Variants in UGGT2 observed in about 807,000 individuals in gnomAD.
UGGT2 encodes UDP-glucose glycoprotein glucosyltransferase 2.
In UGGT2, 180 loss-of-function variants were observed where a neutral mutation model predicts 192.1. The observed-to-expected ratio is 0.94, with a 90% CI of 0.83 to 1.06. UGGT2 has a LOEUF of 1.06. Among genes scored for constraint, UGGT2 ranks in the 50% least tolerant of loss-of-function variants. The pLI, the probability that UGGT2 is intolerant of heterozygous loss-of-function variation, is 0.00. For missense variants in UGGT2, 1,849 were observed against 1,795.7 expected (o/e 1.03, Z -0.54); for synonymous variants, 580 against 591.0 (o/e 0.98, Z 0.27).
rs146461480 is a variant in UGGT2 at position 95,937,012 on chromosome 13, T to C, written c.1889A>G (p.His630Arg). The change falls in exon 17 of 39, where the codon CAT becomes CGT. Residue 630 changes from histidine to arginine, a missense_variant. Transcript: ENST00000376747. ...TAGTTCTTTAATATTCATCTCTTCATGTTTAAAGGGTTCACCATTATAAAG... is the reference window on the plus strand; with the variant it reads ...TAGTTCTTTAATATTCATCTCTTCACGTTTAAAGGGTTCACCATTATAAAG... ...QALYNGEPFK[H>R]EEMNIKELKM... The C allele has an allele frequency of 2.6e-4, 421 of 1,607,490 alleles. No individual in the cohort carries two copies. The African/African-American group carries it at 5.0e-3, about 19-fold the overall frequency.
intron 2 of UGGT2, among the ~76,000 whole-genome samples, chr13:96,031,493 C>A (rs912396293): frequency 1.3e-5 from 2 of 151,862 alleles, no homozygotes; most frequent in Admixed American, 6.6e-5. Flanking sequence ...TTTTATTTTT[C>A]TTTTTTAGAA....
chr13:95,934,143 T>G (rs990281402), intron 17 of UGGT2, among the ~76,000 whole-genome samples: 1 of 152,258 alleles, frequency 6.6e-6, no homozygotes, highest in Non-Finnish European at 1.5e-5. Context: ...CAAAAGCAAG[T>G]TATTTAATTT....
intron 37 of UGGT2, among the ~76,000 whole-genome samples, chr13:95,833,957 C>T (rs962343739): frequency 2.0e-5 from 3 of 152,120 alleles, no homozygotes; most frequent in Non-Finnish European, 4.4e-5. Flanking sequence ...TAGGGGAAAG[C>T]TATTAGTCAT....
intron 1 of UGGT2, among the ~76,000 whole-genome samples, chr13:96,050,369 T>C (rs1408858698): frequency 1.3e-5 from 2 of 152,120 alleles, no homozygotes; most frequent in Non-Finnish European, 2.9e-5. Flanking sequence ...TCTAAAACCA[T>C]AAAAACTCTA....
intron 34 of UGGT2, among the ~76,000 whole-genome samples, chr13:95,854,823 A>G (rs1056798615): frequency 2.6e-5 from 4 of 152,170 alleles, no homozygotes; most frequent in Non-Finnish European, 4.4e-5. Context: ...CAATGTATGA[A>G]TAACAAAATC....
intron 5 of UGGT2, among the ~76,000 whole-genome samples, chr13:96,011,884 C>A (rs902480694): frequency 1.3e-5 from 2 of 152,016 alleles, no homozygotes; most frequent in African/African-American, 4.8e-5. Context: ...GAAAAAGTCT[C>A]TTCAAAATTA....
At chr13:95,965,799 A>G (rs1036909449) in intron 12 of UGGT2, among the ~76,000 whole-genome samples, 2 of 152,210 alleles carry the variant, frequency 1.3e-5, no homozygotes, top group Non-Finnish European at 2.9e-5. Context: ...ATAATGTTCA[A>G]CATCACTAAT....
At chr13:95,915,068 C>A (rs543516782) in intron 20 of UGGT2, among the ~76,000 whole-genome samples, 1 of 152,232 alleles carries the variant, frequency 6.6e-6, no homozygotes, top group Non-Finnish European at 1.5e-5. Flanking sequence ...CATCTCTTCT[C>A]CTTGCTGTGT....
At position 95,832,988 on chromosome 13, in the gene UGGT2, C is replaced by T. The variant is rs1886890629; in HGVS notation, c.4467G>A (p.Val1489=). 1.9e-6 allele frequency: 3 copies of T among 1,613,016 alleles called. No individual in the cohort carries two copies. The highest frequency in any genetic ancestry group is 2.5e-6 in the Non-Finnish European group (3 of 1,179,316). ...KAAARIVPEW[V]EYDAEIRQLL... The stretch of plus-strand genomic sequence containing the variant: ...GTTGTCTTATCTCAGCATCATACTC[C>T]ACCCATTCTGGGACAATTCTGGCAG... Residue 1489 remains valine (V), a synonymous_variant, in exon 38 of 39, where the codon GTG becomes GTA. Transcript: ENST00000376747.
At chr13:95,909,167 G>A (rs1371726858) in intron 20 of UGGT2, among the ~76,000 whole-genome samples, 1 of 151,938 alleles carries the variant, frequency 6.6e-6, no homozygotes, top group African/African-American at 2.4e-5. Flanking sequence ...TCTACATATG[G>A]CTAGCCAGTT....
chr13:95,887,270 T>C (rs551499958), intron 26 of UGGT2: 2 of 515,794 alleles, frequency 3.9e-6, no homozygotes, highest in African/African-American at 3.9e-5. Flanking sequence ...CAATGGTACA[T>C]ACCCTGTTTT....
In UGGT2 at chr13:95,837,644, C is replaced by G. The variant is rs370810642; in HGVS notation, c.4285-442G>C. On this transcript the variant is annotated intron_variant, in intron 36 of 38. Coordinates refer to ENST00000376747, the MANE Select transcript of UGGT2 (RefSeq NM_020121.4). ...GAATATTTTCCCATTTCTGCATGCT[C>G]AGAGCTCTCTAAGTAAAGATTGCTG... is the stretch of plus-strand genomic sequence containing the variant. Among the ~76,000 whole-genome samples, 23 of 152,312 alleles carry G rather than the reference C, an allele frequency of 1.5e-4. No homozygotes were observed. In the East Asian group the frequency reaches 1.7e-3, roughly 12 times the overall value.
chr13:95,901,189 C>T (rs2048095507), intron 21 of UGGT2, among the ~76,000 whole-genome samples: 1 of 151,816 alleles, frequency 6.6e-6, no homozygotes, highest in Non-Finnish European at 1.5e-5. Flanking sequence ...AGGGAAACTA[C>T]CAGACTAGTA....
chr13:95,869,058 C>G lies in UGGT2; in HGVS notation c.3474-1635G>C, dbSNP rs185306202. ...CCCTCCCCTCACCCCACAACAGGCC[C>G]CAGTGTGTGATGTTCCCCTTCCTGT... On this transcript the variant is annotated intron_variant, in intron 29 of 38. Coordinates refer to ENST00000376747, the MANE Select transcript of UGGT2 (RefSeq NM_020121.4). Among the ~76,000 whole-genome samples, 619 of 146,558 alleles carry G rather than the reference C, an allele frequency of 4.2e-3. 9 individuals carry two copies. The East Asian group carries it at 0.045, about 11-fold the overall frequency.
chr13:96,012,305 C>T (rs1159058487), intron 5 of UGGT2, among the ~76,000 whole-genome samples: 1 of 151,490 alleles, frequency 6.6e-6, no homozygotes, highest in East Asian at 1.9e-4. Flanking sequence ...GATTAAAAAC[C>T]AAAACAAAAA....
Position 95,940,024 on chromosome 13 carries a change from T to C in UGGT2, c.1745A>G (p.Asn582Ser). Residue 582 changes from asparagine to serine, a missense_variant, in exon 16 of 39, where the codon AAT (asparagine) becomes AGT (serine). Asn to Ser is a conservative substitution (Grantham distance 46). Coordinates refer to ENST00000376747, the MANE Select transcript of UGGT2 (RefSeq NM_020121.4). ...CCAAATATTAGCATGAGGAAATGTA[T>C]TTTGGAGAACACTCTTCACATTGTC... The part of the protein sequence containing the change: ...TVDNVKSVLQ[N>S]TFPHANIWDI... 1 of 1,600,400 alleles carries C rather than the reference T, an allele frequency of 6.2e-7. No homozygotes were observed. The highest frequency in any genetic ancestry group is 1.3e-5 in the African/African-American group (1 of 74,162).
chr13:95,802,928 G>C (rs887371718), intron 38 of UGGT2, among the ~76,000 whole-genome samples: 1 of 152,132 alleles, frequency 6.6e-6, no homozygotes, highest in Non-Finnish European at 1.5e-5. Flanking sequence ...CCGCCTCCTG[G>C]GTTCACACCA....
intron 1 of UGGT2, among the ~76,000 whole-genome samples, chr13:96,038,860 T>A (rs2053082754): frequency 6.6e-6 from 1 of 152,126 alleles, no homozygotes; most frequent in African/African-American, 2.4e-5. Context: ...CATGTAAATA[T>A]CGTCAACTTC....
At chr13:95,945,554 G>A (rs1019459695) in intron 15 of UGGT2, among the ~76,000 whole-genome samples, 1 of 152,004 alleles carries the variant, frequency 6.6e-6, no homozygotes, top group Non-Finnish European at 1.5e-5. Flanking sequence ...ATTAATGTCT[G>A]ATAAAAAACA....
Sources: gnomAD v4.1 joint callset for allele counts (sites outside exome capture counted in the v4.1 genomes callset) on GRCh38, gnomAD v4.1.1 for gene constraint, MANE v1.5 for transcripts, NCBI Gene and HGNC (gene_info 2026-07-23, HGNC 2026-07-21) for gene names.